The following ZNF503 variants were observed in gnomAD, a reference collection of about 807,000 sequenced individuals.
ZNF503 encodes the protein zinc finger protein 503.
In ZNF503, 15 loss-of-function variants were observed where a neutral mutation model predicts 34.4. The observed-to-expected ratio is 0.44, with a 90% CI of 0.29 to 0.67. The LOEUF (loss-of-function observed/expected upper bound fraction) is 0.67. ZNF503 is among the 30% of genes least tolerant of loss of function. The probability of loss-of-function intolerance (pLI) is 0.13; values close to 1 mark genes in which losing one functional copy is unlikely to be tolerated. For missense variants in ZNF503, 1,007 were observed against 926.8 expected, an observed-to-expected ratio of 1.09 and a Z score of -1.12; for synonymous variants, 580 against 456.8, an observed-to-expected ratio of 1.27 and a Z score of -3.44.
chr10:75,293,558 C>T, the ZNF503 span, among the ~76,000 whole-genome samples: 2 of 152,062 alleles, frequency 1.3e-5, no homozygotes, highest in East Asian at 1.9e-4. Flanking sequence ...CACTGGTCTT[C>T]CTGAGGCTTC....
At chr10:75,347,135 G>A in the ZNF503 span, among the ~76,000 whole-genome samples, 1 of 152,188 alleles carries the variant, frequency 6.6e-6, no homozygotes, top group Admixed American at 6.5e-5. Flanking sequence ...CTTAGAGCAG[G>A]GAATGGCATG....
At chr10:75,339,641 G>A in the ZNF503 span, among the ~76,000 whole-genome samples, 50 of 152,274 alleles carry the variant, frequency 3.3e-4, no homozygotes, top group African/African-American at 1.1e-3. Context: ...GGTGGGTGTC[G>A]CCAGCGAGGA....
the ZNF503 span, among the ~76,000 whole-genome samples, chr10:75,376,625 C>G: frequency 6.6e-6 from 1 of 151,736 alleles, no homozygotes; most frequent in African/African-American, 2.4e-5. Context: ...GCCTGGGTGA[C>G]AGAGGGAGAC....
chr10:75,360,774 A>T, the ZNF503 span: 3 of 152,260 alleles, frequency 2.0e-5, no homozygotes, highest in Non-Finnish European at 2.9e-5. Flanking sequence ...ATCCAAGCAC[A>T]GAGAAATCAA....
downstream of ZNF503, among the ~76,000 whole-genome samples, chr10:75,394,413 C>T (rs898401587): frequency 3.9e-5 from 6 of 152,246 alleles, no homozygotes; most frequent in African/African-American, 1.4e-4. Context: ...CTGCTAGCCA[C>T]ATTCGGTGAG....
At chr10:75,286,149 G>A in the ZNF503 span, among the ~76,000 whole-genome samples, 1 of 151,978 alleles carries the variant, frequency 6.6e-6, no homozygotes, top group Non-Finnish European at 1.5e-5. Context: ...TGGTCCTGGT[G>A]GCACGCGCCT....
chr10:75,338,949 C>G, the ZNF503 span, among the ~76,000 whole-genome samples: 1 of 152,076 alleles, frequency 6.6e-6, no homozygotes, highest in South Asian at 2.1e-4. Flanking sequence ...TGTTGAAGGC[C>G]GGGCACGGTG....
Position 75,399,525 on chromosome 10 carries a change from G to A in ZNF503, c.1165C>T (p.Leu389=), listed in dbSNP as rs1277224398. The change falls in exon 2 of 2, where the codon CTG becomes TTG. Residue 389 remains leucine (L), a synonymous_variant. Transcript: ENST00000372524. ...GCCGCCGCCAGCTGCGCCCCCACCA[G>A]GCTGCCCGGCTTGGTGGGGTCAAGT... The part of the protein sequence containing the change: ...VALDPTKPGS[L]VGAQLAAAAA... 6.3e-7 allele frequency: 1 copy of A among 1,585,650 alleles called. No individual in the cohort carries two copies. The highest frequency in any genetic ancestry group is 2.3e-5 in the East Asian group (1 of 44,392).
Position 75,398,635 on chromosome 10 carries a change from G to A in ZNF503, c.*114C>T. On this transcript the variant is annotated 3_prime_UTR_variant, in exon 2 of 2. Transcript: ENST00000372524. ...CGGTATACATTTCTTTCCTTTCGTG[G>A]CCCGAGTCCTCCCCACGCGCGGGTG... is the stretch of plus-strand genomic sequence containing the variant. 1.0e-6 allele frequency: 1 copy of A among 990,138 alleles called. No individual in the cohort carries two copies. Among genetic ancestry groups the A allele is most frequent in the Non-Finnish European group, 1.3e-6 (1 of 757,314 alleles). 61.3% of individuals were successfully genotyped at this position (990,138 alleles called of 1,614,324 possible). A position where few individuals can be genotyped will look rare whatever the true frequency, so the allele number is the denominator to read the frequency against.
At chr10:75,329,650 G>C in the ZNF503 span, among the ~76,000 whole-genome samples, 1 of 150,968 alleles carries the variant, frequency 6.6e-6, no homozygotes, top group Non-Finnish European at 1.5e-5. Context: ...CATTTTTTTT[G>C]TTTTTTAATA....
the ZNF503 span, among the ~76,000 whole-genome samples, chr10:75,386,649 G>T: frequency 6.6e-6 from 1 of 152,058 alleles, no homozygotes; most frequent in African/African-American, 2.4e-5. Flanking sequence ...GTCTCTCATT[G>T]TTCCATCCCA....
chr10:75,319,277 G>A, the ZNF503 span, among the ~76,000 whole-genome samples: 24 of 152,246 alleles, frequency 1.6e-4, no homozygotes, highest in Non-Finnish European at 2.8e-4. Context: ...AATGTTTGAT[G>A]ATTAAAGTAA....
chr10:75,338,500 C>CCCA, the ZNF503 span: 2 of 152,324 alleles, frequency 1.3e-5, no homozygotes, highest in East Asian at 3.9e-4. Flanking sequence ...TTGTAAGGAT[C>CCCA]TAATTGATGT....
the ZNF503 span, among the ~76,000 whole-genome samples, chr10:75,352,826 C>G: frequency 5.3e-5 from 8 of 152,220 alleles, no homozygotes; most frequent in Admixed American, 5.2e-4. Flanking sequence ...TCATCAAGGA[C>G]AGCTGAGAGT....
At chr10:75,397,667 C>T (rs1418713768), downstream of ZNF503, among the ~76,000 whole-genome samples, 6 of 152,218 alleles carry the variant, frequency 3.9e-5, no homozygotes, top group East Asian at 1.2e-3. Flanking sequence ...GCCAACTTCG[C>T]GGCTGGTAGC....
Position 75,398,869 on chromosome 10 carries a change from C to G in ZNF503, c.1821G>C (p.Lys607Asn). ...GGGCGCCAGGCGTGGGAAGCGGGCT[C>G]TTGGAGTAGGGGTGGTAGCGGCTGC... ...GLSSRYHPYSKSPLPTPGAPV... is the reference protein window; with the variant it reads ...GLSSRYHPYSNSPLPTPGAPV... Residue 607 changes from lysine to asparagine, a missense_variant, in exon 2 of 2, where the codon AAG (lysine) becomes AAC (asparagine). Lys to Asn is a moderately conservative substitution (Grantham distance 94, BLOSUM62 0). Coordinates refer to ENST00000372524, the MANE Select transcript of ZNF503 (RefSeq NM_032772.6). 3 of 1,517,224 alleles carry G rather than the reference C, an allele frequency of 2.0e-6. No individual in the cohort carries two copies. Among genetic ancestry groups the G allele is most frequent in the Non-Finnish European group, 2.6e-6 (3 of 1,137,042 alleles). 94.0% of individuals were successfully genotyped at this position (1,517,224 alleles called of 1,614,324 possible).
chr10:75,382,389 T>C, the ZNF503 span: 1 of 345,238 alleles, frequency 2.9e-6, no homozygotes, highest in Non-Finnish European at 5.8e-6. Context: ...AGCAGTGTCC[T>C]CAACTTGTAT....
chr10:75,296,234 G>C, the ZNF503 span: 1 of 152,348 alleles, frequency 6.6e-6, no homozygotes, highest in African/African-American at 2.4e-5. Flanking sequence ...TTTTCTCCCT[G>C]ACCTAGTTGT....
the ZNF503 span, among the ~76,000 whole-genome samples, chr10:75,300,704 C>CTTTTTTTTTT: frequency 1.4e-4 from 15 of 108,752 alleles, no homozygotes; most frequent in East Asian, 7.5e-4. Flanking sequence ...TTCTTTCTTT[C>CTTTTTTTTTT]TTTTTTTTTT....
Sources: allele counts gnomAD v4.1 joint callset (sites outside exome capture counted in the v4.1 genomes callset), GRCh38; gene constraint gnomAD v4.1.1; transcripts MANE v1.5; gene names NCBI Gene and HGNC (gene_info 2026-07-23, HGNC 2026-07-21).